RYR3: variants seen among roughly 807,000 people sequenced by gnomAD.
RYR3 encodes brain ryanodine receptor-calcium release channel.
Under a neutral mutation model 584.3 loss-of-function variants are expected in RYR3, and 207 were observed. The ratio of observed to expected loss-of-function variants is 0.35; its 90% CI spans 0.32 to 0.40. The LOEUF (loss-of-function observed/expected upper bound fraction) is 0.40, where lower values mean the gene tolerates loss of function less well. Ranked by LOEUF, RYR3 falls within the 10% of genes least tolerant of loss-of-function variation. The pLI is 1.00. For synonymous variants in RYR3, 2,416 were observed against 2,248.5 expected, an observed-to-expected ratio of 1.07 and a Z score of -2.11; for missense variants, 5,616 against 6,089.2, an observed-to-expected ratio of 0.92 and a Z score of 2.59.
Position 33,865,554 on chromosome 15 carries a change from T to G in RYR3, c.*328T>G, listed in dbSNP as rs1390535299. On this transcript the variant is annotated 3_prime_UTR_variant, in exon 104 of 104. Transcript: ENST00000634891. ...AGCATGAAGGAAAGGGCTAGAGAAGTATGAAATCTCGAATGTGTAATACCT... is the reference window on the plus strand; with the variant it reads ...AGCATGAAGGAAAGGGCTAGAGAAGGATGAAATCTCGAATGTGTAATACCT... 4.0e-6 allele frequency: 1 copy of G among 247,804 alleles called. No individual in the cohort carries two copies. Among genetic ancestry groups the G allele is most frequent in the Non-Finnish European group, 7.8e-6 (1 of 128,120 alleles). The allele number at this position is 247,804 out of a possible 1,614,324, so 15.4% of individuals were successfully genotyped here. A position where few individuals can be genotyped will look rare whatever the true frequency, so the allele number is the denominator to read the frequency against.
At chr15:33,778,931 TAAG>T in intron 64 of RYR3, among the ~76,000 whole-genome samples, 1 of 152,356 alleles carries the variant, frequency 6.6e-6, no homozygotes, top group South Asian at 2.1e-4. Flanking sequence ...CAGCCAAGCC[TAAG>T]AAGAAGATAA....
intron 2 of RYR3, among the ~76,000 whole-genome samples, chr15:33,496,801 C>A (rs2051469295): frequency 6.6e-6 from 1 of 152,162 alleles, no homozygotes; most frequent in Non-Finnish European, 1.5e-5. Context: ...CTAATCACAT[C>A]ATCCCTGGGA....
rs869151934 is a variant in RYR3, at chr15:33,789,658, A to ATTTTTT, written c.9830+1229_9830+1234dup. Among the ~76,000 whole-genome samples the ATTTTTT allele has an allele frequency of 1.6e-4, 2 of 12,782 alleles. 1 individual carries two copies. 8.4% of individuals were successfully genotyped at this position (12,782 alleles called of 152,430 possible). ...TATATATATATATATATATATATAT[A>ATTTTTT]TTTTTTTTTTTTTTTTTTTTTTTTT... On this transcript the variant is annotated intron_variant, in intron 67 of 103. Coordinates refer to ENST00000634891, the MANE Select transcript of RYR3 (RefSeq NM_001036.6).
intron 70 of RYR3, among the ~76,000 whole-genome samples, chr15:33,810,268 C>T (rs748992341): frequency 6.6e-6 from 1 of 152,172 alleles, no homozygotes; most frequent in South Asian, 2.1e-4. Context: ...TGTGTGCATG[C>T]GCAGAAGGAG....
rs897887350 is a variant in RYR3 at position 33,756,212 on chromosome 15, A to G, written c.8516-94A>G. The G allele has an allele frequency of 3.6e-6, 3 of 830,150 alleles. No individual in the cohort carries two copies. In the African/African-American group the frequency reaches 5.1e-5, roughly 14 times the overall value. The allele number at this position is 830,150 out of a possible 1,614,324, so 51.4% of individuals were successfully genotyped here. A position where few individuals can be genotyped will look rare whatever the true frequency, so the allele number is the denominator to read the frequency against. The stretch of plus-strand genomic sequence containing the variant: ...TTGTGAAATCAGATAGCCTTTTTAA[A>G]TAGCCTTTAGAAAAGCTGCTCTGTT... On this transcript the variant is annotated intron_variant, in intron 58 of 103. Coordinates refer to ENST00000634891, the MANE Select transcript of RYR3 (RefSeq NM_001036.6).
intron 62 of RYR3, among the ~76,000 whole-genome samples, chr15:33,769,391 T>C (rs896093773): frequency 6.6e-6 from 1 of 152,210 alleles, no homozygotes; most frequent in Non-Finnish European, 1.5e-5. Context: ...CCTGATCAAT[T>C]CTTATCTTTC....
chr15:33,463,190 C>A (rs1009980244), intron 1 of RYR3, among the ~76,000 whole-genome samples: 6 of 151,820 alleles, frequency 4.0e-5, no homozygotes, highest in African/African-American at 1.5e-4. Flanking sequence ...TTTTTCAGAG[C>A]AATGTTAGAA....
chr15:33,852,954 C>A, intron 94 of RYR3, 91 bp from the exon 95 acceptor site: 1 of 1,117,724 alleles, frequency 8.9e-7, no homozygotes, highest in Non-Finnish European at 1.3e-6. Context: ...CAGAAAGATC[C>A]CAGATCCAGG....
At chr15:33,721,169 T>C (rs897432530) in intron 43 of RYR3, among the ~76,000 whole-genome samples, 18 of 152,350 alleles carry the variant, frequency 1.2e-4, no homozygotes, top group African/African-American at 3.8e-4. Context: ...AGCTGCCACA[T>C]CATGAGAACA....
chr15:33,832,939 C>T (rs530559646), intron 86 of RYR3, among the ~76,000 whole-genome samples: 102 of 148,500 alleles, frequency 6.9e-4, no homozygotes, highest in Non-Finnish European at 1.2e-3. Flanking sequence ...ACCCAGGAGG[C>T]AGAGGTTGGA....
At chr15:33,433,925 T>G (rs2045430027) in intron 1 of RYR3, among the ~76,000 whole-genome samples, 2 of 152,342 alleles carry the variant, frequency 1.3e-5, no homozygotes, top group Middle Eastern at 3.4e-3. Context: ...TTTATCCACC[T>G]AATCATTATA....
rs1429973118 is a variant in RYR3, at chr15:33,412,397, A to T, written c.52-61022A>T. On this transcript the variant is annotated intron_variant, in intron 1 of 103. Coordinates refer to ENST00000634891, the MANE Select transcript of RYR3 (RefSeq NM_001036.6). The surrounding 1 kb of genome is among the most constrained non-coding windows in gnomAD (Gnocchi z 4.3). ...AGTGGGAGACAAACTGACAGCGGAA[A>T]CCCTGGCTCTATTTAAGGCTTCTGG... Among the ~76,000 whole-genome samples, 4 of 151,806 alleles carry T rather than the reference A, an allele frequency of 2.6e-5. No individual in the cohort carries two copies. Among genetic ancestry groups the T allele is most frequent in the African/African-American group, 9.7e-5 (4 of 41,322 alleles).
intron 42 of RYR3, among the ~76,000 whole-genome samples, chr15:33,705,046 C>T (rs2066587541): frequency 6.6e-6 from 1 of 151,838 alleles, no homozygotes; most frequent in African/African-American, 2.4e-5. Context: ...TGAACAGTAG[C>T]CCTACCCCAA....
chr15:33,825,565 C>T (rs1386866787), intron 81 of RYR3, 38 bp from the exon 82 acceptor site: 7 of 1,376,434 alleles, frequency 5.1e-6, no homozygotes, highest in South Asian at 4.8e-5. Context: ...TCCCAGCGTG[C>T]GTAGCCCTGA....
In RYR3 at chr15:33,650,512, A is replaced by G. The variant is rs1046226860; in HGVS notation, c.4142+1277A>G. On this transcript the variant is annotated intron_variant, in intron 31 of 103. Transcript: ENST00000634891. ...TCTAAAGATGAGGATAATAGTTTCT[A>G]TCACAGAGTATTGTGAAGATTAAAT... Among the ~76,000 whole-genome samples the G allele has an allele frequency of 3.3e-5, 5 of 152,356 alleles. 1 individual carries two copies. Among genetic ancestry groups the G allele is most frequent in the Non-Finnish European group, 2.9e-5 (2 of 68,036 alleles).
intron 52 of RYR3, among the ~76,000 whole-genome samples, chr15:33,742,674 G>C (rs1048400137): frequency 6.6e-6 from 1 of 152,192 alleles, no homozygotes; most frequent in African/African-American, 2.4e-5. Context: ...ATCAATTCTG[G>C]AAGTGTTAAC....
chr15:33,671,581 A>G (rs1033248120), intron 38 of RYR3, among the ~76,000 whole-genome samples: 1 of 152,054 alleles, frequency 6.6e-6, no homozygotes. Context: ...GGACTTGGCA[A>G]TGGCAACCCT....
At position 33,365,201 on chromosome 15, in the gene RYR3, CT is replaced by C. The variant is rs539469017; in HGVS notation, c.51+54107del. Among the ~76,000 whole-genome samples the C allele has an allele frequency of 5.3e-5, 8 of 152,296 alleles. No homozygotes were observed. In the South Asian group the frequency reaches 1.7e-3, roughly 32 times the overall value. ...TAGGACAGACTGGATAACCCTCCTC[CT>C]TGGGGGCCACAGTGTTTATCCATGT... is the stretch of plus-strand genomic sequence containing the variant. On this transcript the variant is annotated intron_variant, in intron 1 of 103. Coordinates refer to ENST00000634891, the MANE Select transcript of RYR3 (RefSeq NM_001036.6).
intron 38 of RYR3, among the ~76,000 whole-genome samples, chr15:33,672,803 C>A (rs1374466295): frequency 6.6e-6 from 1 of 152,158 alleles, no homozygotes; most frequent in Non-Finnish European, 1.5e-5. Flanking sequence ...AATGAATTGG[C>A]AGTTTACTGA....
Sources: gnomAD v4.1 joint callset for allele counts (sites outside exome capture counted in the v4.1 genomes callset) on GRCh38, gnomAD v4.1.1 for gene constraint, Gnocchi (gnomAD v3.1) non-coding constraint, MANE v1.5 for transcripts, NCBI Gene and HGNC (gene_info 2026-07-23, HGNC 2026-07-21) for gene names.